Variants in PKNOX2 observed in about 807,000 individuals in gnomAD.
PKNOX2 encodes PBX/knotted 1 homeobox 2, also known as homeobox protein PKNOX2.
A neutral mutation model predicts 53.1 loss-of-function variants in PKNOX2; 14 were observed. That is an observed-to-expected ratio of 0.26 (90% CI 0.17 to 0.41). The LOEUF (loss-of-function observed/expected upper bound fraction) is 0.41, where lower values mean the gene tolerates loss of function less well. Ranked by LOEUF, PKNOX2 falls within the 10% of genes least tolerant of loss-of-function variation. The probability of loss-of-function intolerance (pLI) is 1.00; values close to 1 mark genes in which losing one functional copy is unlikely to be tolerated. For synonymous variants in PKNOX2, 257 were observed against 242.8 expected (o/e 1.06, Z -0.54); for missense variants, 496 against 602.8 (o/e 0.82, Z 1.85).
chr11:125,235,880 A>G (rs1228685899), intron 2 of PKNOX2, among the ~76,000 whole-genome samples: 2 of 152,002 alleles, frequency 1.3e-5, no homozygotes, highest in Non-Finnish European at 2.9e-5. Flanking sequence ...TGGGATTCCT[A>G]CTTCTCAGTC....
chr11:125,282,336 T>C (rs1027528399), intron 2 of PKNOX2, among the ~76,000 whole-genome samples: 4 of 152,232 alleles, frequency 2.6e-5, no homozygotes, highest in African/African-American at 9.6e-5. Flanking sequence ...TCAGTGTCAT[T>C]GACAGGTTTA....
intron 2 of PKNOX2, among the ~76,000 whole-genome samples, chr11:125,275,349 T>G (rs936549585): frequency 6.6e-6 from 1 of 151,964 alleles, no homozygotes; most frequent in Non-Finnish European, 1.5e-5. Flanking sequence ...CCAGTGTGCA[T>G]GGGGAATGAG....
In PKNOX2 at chr11:125,417,775, C is replaced by A. The variant is rs149720414; in HGVS notation, c.936+5910C>A. Among the ~76,000 whole-genome samples the A allele has an allele frequency of 4.6e-3, 698 of 152,118 alleles. 23 individuals are homozygous for A. Among genetic ancestry groups the A allele is most frequent in the African/African-American group, 0.015 (637 of 41,372 alleles). On this transcript the variant is annotated intron_variant, in intron 10 of 12. Transcript: ENST00000298282. ...TACATGTCCAGTCCCGGTCTTCAGACCTCACAGCGATGCTGCCTTTGATGT... is the reference window on the plus strand; with the variant it reads ...TACATGTCCAGTCCCGGTCTTCAGAACTCACAGCGATGCTGCCTTTGATGT...
At chr11:125,183,849 G>A (rs1230560228) in intron 1 of PKNOX2, among the ~76,000 whole-genome samples, 1 of 152,158 alleles carries the variant, frequency 6.6e-6, no homozygotes, top group African/African-American at 2.4e-5. Context: ...TTCATTCAGT[G>A]CCAGTGTGGT....
intron 6 of PKNOX2, among the ~76,000 whole-genome samples, chr11:125,396,699 A>G (rs1954428754): frequency 6.6e-6 from 1 of 152,240 alleles, no homozygotes; most frequent in African/African-American, 2.4e-5. Context: ...AGTATGGCAC[A>G]CACATGAAAT....
chr11:125,321,399 C>T (rs985566267), intron 2 of PKNOX2, among the ~76,000 whole-genome samples: 58 of 152,182 alleles, frequency 3.8e-4, no homozygotes, highest in African/African-American at 1.4e-3. Context: ...ATAACCTACG[C>T]ACATACTCCT....
chr11:125,412,246 C>T (rs1412147906), intron 10 of PKNOX2, among the ~76,000 whole-genome samples: 5 of 152,150 alleles, frequency 3.3e-5, no homozygotes, highest in Non-Finnish European at 4.4e-5. Flanking sequence ...CCACGCTCAC[C>T]GTGCCCCTCT....
At position 125,199,408 on chromosome 11, in the gene PKNOX2, G is replaced by A. The variant is rs556231384; in HGVS notation, c.-201+34632G>A. ...AGGTCCAGGTGCTCCTGCCAGCCCCGCACATGCATTCAGTGCTAATTAAAT... is the reference window on the plus strand; with the variant it reads ...AGGTCCAGGTGCTCCTGCCAGCCCCACACATGCATTCAGTGCTAATTAAAT... On this transcript the variant is annotated intron_variant, in intron 1 of 12. Coordinates refer to ENST00000298282, the MANE Select transcript of PKNOX2 (RefSeq NM_001382323.2). Among the ~76,000 whole-genome samples the A allele has an allele frequency of 7.2e-5, 11 of 152,266 alleles. 1 individual carries two copies. In the South Asian group the frequency reaches 2.1e-3, roughly 29 times the overall value.
At chr11:125,325,539 A>T (rs11602473) in intron 2 of PKNOX2, among the ~76,000 whole-genome samples, 10,359 of 152,256 alleles carry the variant, frequency 0.068, 449 homozygotes, top group East Asian at 0.21. Flanking sequence ...AGAGGATGAG[A>T]AAGATTCTGC....
intron 6 of PKNOX2, among the ~76,000 whole-genome samples, chr11:125,392,324 C>T (rs754036291): frequency 2.0e-4 from 31 of 152,228 alleles, no homozygotes; most frequent in Admixed American, 2.6e-4. Context: ...AGAGCGGGCT[C>T]GGACTCAAAT....
chr11:125,269,081 A>C (rs987428106), intron 2 of PKNOX2, among the ~76,000 whole-genome samples: 10 of 152,270 alleles, frequency 6.6e-5, no homozygotes, highest in African/African-American at 2.4e-4. Context: ...GAAGGATGAA[A>C]GAGATGGGAA....
At chr11:125,399,016 C>T (rs754979933) in intron 7 of PKNOX2, among the ~76,000 whole-genome samples, 6 of 152,232 alleles carry the variant, frequency 3.9e-5, no homozygotes, top group Non-Finnish European at 8.8e-5. Flanking sequence ...AGGAACCACC[C>T]ATGTACTCTA....
At chr11:125,263,573 T>C (rs1299048778) in intron 2 of PKNOX2, among the ~76,000 whole-genome samples, 1 of 152,160 alleles carries the variant, frequency 6.6e-6, no homozygotes, top group African/African-American at 2.4e-5. Context: ...ATTCCCCTAC[T>C]CAGCCGGGTT....
intron 6 of PKNOX2, among the ~76,000 whole-genome samples, chr11:125,387,364 G>C (rs1953706748): frequency 6.6e-6 from 1 of 152,168 alleles, no homozygotes; most frequent in Admixed American, 6.5e-5. Context: ...TAGCTAATGT[G>C]AAATAACTTA....
intron 3 of PKNOX2, among the ~76,000 whole-genome samples, chr11:125,342,798 G>C (rs1392855527): frequency 6.6e-6 from 1 of 151,638 alleles, no homozygotes; most frequent in Non-Finnish European, 1.5e-5. Context: ...GGGCTCCCAG[G>C]TGCCCTGACA....
chr11:125,381,900 A>G (rs141103951), intron 5 of PKNOX2, among the ~76,000 whole-genome samples: 6 of 152,092 alleles, frequency 3.9e-5, no homozygotes, highest in Non-Finnish European at 8.8e-5. Flanking sequence ...CTTAAATGTC[A>G]CCTCCGCAGA....
intron 1 of PKNOX2, among the ~76,000 whole-genome samples, chr11:125,179,485 C>T (rs896410251): frequency 1.3e-5 from 2 of 150,734 alleles, no homozygotes; most frequent in African/African-American, 4.9e-5. Context: ...AAAATCGCGT[C>T]CCAGGCAGGG....
chr11:125,255,029 A>G (rs1183971222), intron 2 of PKNOX2, among the ~76,000 whole-genome samples: 1 of 152,230 alleles, frequency 6.6e-6, no homozygotes, highest in Admixed American at 6.5e-5. Context: ...CGAATGATAC[A>G]CAGTCCCTGT....
At chr11:125,178,110 T>C (rs576013075) in intron 1 of PKNOX2, among the ~76,000 whole-genome samples, 2 of 152,236 alleles carry the variant, frequency 1.3e-5, no homozygotes, top group African/African-American at 2.4e-5. Flanking sequence ...CGTGAAACCA[T>C]CCCTCCATCC....
Sources: allele counts gnomAD v4.1 joint callset (sites outside exome capture counted in the v4.1 genomes callset), GRCh38; gene constraint gnomAD v4.1.1; transcripts MANE v1.5; gene names NCBI Gene and HGNC (gene_info 2026-07-23, HGNC 2026-07-21).